Variants in KCNIP4 observed in about 807,000 individuals in gnomAD.
KCNIP4 encodes potassium voltage-gated channel interacting protein 4.
Under a neutral mutation model 34.0 loss-of-function variants are expected in KCNIP4, and 12 were observed. That is an observed-to-expected ratio of 0.35 (90% CI 0.23 to 0.57). The LOEUF (loss-of-function observed/expected upper bound fraction) is 0.57. KCNIP4 is among the 20% of genes least tolerant of loss of function. The probability of loss-of-function intolerance (pLI) is 0.83; values close to 1 mark genes in which losing one functional copy is unlikely to be tolerated. For missense variants in KCNIP4, 238 were observed against 311.7 expected (o/e 0.76, Z 1.78); for synonymous variants, 124 against 102.2 (o/e 1.21, Z -1.29).
intron 1 of KCNIP4, among the ~76,000 whole-genome samples, chr4:21,340,490 G>GA (rs931849927): frequency 1.3e-5 from 2 of 152,018 alleles, no homozygotes; most frequent in African/African-American, 4.8e-5. Flanking sequence ...GATATGTATA[G>GA]AATAATAACT....
chr4:21,796,466 A>G (rs1421342570), intron 1 of KCNIP4, among the ~76,000 whole-genome samples: 1 of 152,202 alleles, frequency 6.6e-6, no homozygotes, highest in East Asian at 1.9e-4. Context: ...CTCAAAATCC[A>G]GGACTCTCTC....
intron 1 of KCNIP4, among the ~76,000 whole-genome samples, chr4:21,439,887 A>G (rs1305503746): frequency 6.6e-6 from 1 of 152,182 alleles, no homozygotes; most frequent in Non-Finnish European, 1.5e-5. Context: ...CAGAGGAAGC[A>G]CCTATCAGTA....
intron 1 of KCNIP4, among the ~76,000 whole-genome samples, chr4:21,431,747 T>C (rs1284739721): frequency 6.6e-6 from 1 of 151,846 alleles, no homozygotes; most frequent in African/African-American, 2.4e-5. Context: ...TATGGACATA[T>C]AGCCAATGGA....
At chr4:21,756,419 T>C (rs541551979) in intron 1 of KCNIP4, among the ~76,000 whole-genome samples, 1 of 152,052 alleles carries the variant, frequency 6.6e-6, no homozygotes, top group South Asian at 2.1e-4. Context: ...CCGGGTATGG[T>C]GGTGTGTGCC....
intron 1 of KCNIP4, among the ~76,000 whole-genome samples, chr4:21,828,161 A>AGTTG (rs1393923806): frequency 2.0e-5 from 3 of 151,464 alleles, no homozygotes; most frequent in Non-Finnish European, 4.4e-5. Flanking sequence ...AGACTATAAA[A>AGTTG]GTTGGTACGT....
intron 3 of KCNIP4, among the ~76,000 whole-genome samples, chr4:20,760,797 G>T (rs1166298812): frequency 6.6e-6 from 1 of 152,000 alleles, no homozygotes; most frequent in Non-Finnish European, 1.5e-5. Flanking sequence ...ATGACCTCAA[G>T]GACCTAAGAG....
chr4:21,086,835 A>C (rs1746476710), intron 1 of KCNIP4, among the ~76,000 whole-genome samples: 1 of 151,818 alleles, frequency 6.6e-6, no homozygotes, highest in Non-Finnish European at 1.5e-5. Context: ...CCTAGTCTTC[A>C]CATGTTCCTT....
chr4:21,391,820 G>C (rs927690517), intron 1 of KCNIP4, among the ~76,000 whole-genome samples: 4 of 152,100 alleles, frequency 2.6e-5, no homozygotes, highest in African/African-American at 9.7e-5. Context: ...CACACATACT[G>C]TTCCTTAATT....
intron 1 of KCNIP4, among the ~76,000 whole-genome samples, chr4:20,959,639 A>G (rs1277047417): frequency 6.6e-6 from 1 of 152,182 alleles, no homozygotes; most frequent in Non-Finnish European, 1.5e-5. Context: ...GTAAACAGTT[A>G]GTTGCTCTAT....
intron 1 of KCNIP4, among the ~76,000 whole-genome samples, chr4:21,638,263 C>T (rs1376873310): frequency 6.6e-6 from 1 of 152,130 alleles, no homozygotes; most frequent in Non-Finnish European, 1.5e-5. Flanking sequence ...CATCAGCAGC[C>T]TAAGAGACAG....
At position 20,737,453 on chromosome 4, in the gene KCNIP4, G is replaced by T. The variant is rs149835219; in HGVS notation, c.430-2718C>A. Among the ~76,000 whole-genome samples, 8 of 151,354 alleles carry T rather than the reference G, an allele frequency of 5.3e-5. No individual in the cohort carries two copies. In the East Asian group the frequency reaches 1.5e-3, roughly 29 times the overall value. On this transcript the variant is annotated intron_variant, in intron 5 of 8. Coordinates refer to ENST00000382152, the MANE Select transcript of KCNIP4 (RefSeq NM_025221.6). ...TCTAAAAAGAGTAAGAGTCAGAAATGGGCTGTGCTCTTGAGAAGGTGGGGA... is the reference window on the plus strand; with the variant it reads ...TCTAAAAAGAGTAAGAGTCAGAAATTGGCTGTGCTCTTGAGAAGGTGGGGA...
At chr4:20,763,231 T>C (rs1755089170) in intron 3 of KCNIP4, among the ~76,000 whole-genome samples, 1 of 152,212 alleles carries the variant, frequency 6.6e-6, no homozygotes, top group South Asian at 2.1e-4. Context: ...TGCCATTTTG[T>C]CTCTCAAAAA....
intron 1 of KCNIP4, chr4:21,303,856 A>C (rs1293719998): frequency 6.2e-7 from 1 of 1,613,984 alleles, no homozygotes; most frequent in African/African-American, 1.3e-5. Flanking sequence ...ATTTAACAAA[A>C]AGCACAATGA....
intron 2 of KCNIP4, among the ~76,000 whole-genome samples, chr4:20,871,480 A>G (rs1723451852): frequency 6.6e-6 from 1 of 152,096 alleles, no homozygotes; most frequent in Non-Finnish European, 1.5e-5. Flanking sequence ...AAAAATTAAA[A>G]GGGCCAGGGA....
intron 1 of KCNIP4, among the ~76,000 whole-genome samples, chr4:21,766,953 T>C (rs1477816733): frequency 5.9e-5 from 9 of 152,110 alleles, no homozygotes; most frequent in African/African-American, 2.2e-4. Flanking sequence ...GAATGCATTC[T>C]AGTGAAAGAA....
chr4:21,555,273 G>A (rs578137413), intron 1 of KCNIP4, among the ~76,000 whole-genome samples: 12 of 152,182 alleles, frequency 7.9e-5, no homozygotes, highest in African/African-American at 1.9e-4. Flanking sequence ...GCTTTCTTCC[G>A]TAACTGTGAT....
chr4:21,321,928 G>C (rs1165578682), intron 1 of KCNIP4, among the ~76,000 whole-genome samples: 3 of 142,148 alleles, frequency 2.1e-5, no homozygotes, highest in African/African-American at 7.9e-5. Context: ...AAGGAAAAAG[G>C]TGGGAAGGAG....
intron 1 of KCNIP4, among the ~76,000 whole-genome samples, chr4:21,714,576 AGAAGG>A (rs1295909326): frequency 5.3e-5 from 8 of 151,734 alleles, no homozygotes; most frequent in African/African-American, 1.9e-4. Context: ...GGGAAGGAGA[AGAAGG>A]GAAGAGAGAA....
At chr4:21,762,908 G>A in intron 1 of KCNIP4, 1 of 1,286,800 alleles carries the variant, frequency 7.8e-7, no homozygotes, top group South Asian at 1.2e-5. Context: ...TGGAATTGGA[G>A]GGAAGGACTC....
Sources: allele counts gnomAD v4.1 joint callset (sites outside exome capture counted in the v4.1 genomes callset), GRCh38; gene constraint gnomAD v4.1.1; transcripts MANE v1.5; gene names NCBI Gene and HGNC (gene_info 2026-07-23, HGNC 2026-07-21).